The following PDE4DIP variants were observed in gnomAD, a reference collection of about 807,000 sequenced individuals.
The protein encoded by PDE4DIP is phosphodiesterase 4D interacting protein.
A neutral mutation model predicts 221.4 loss-of-function variants in PDE4DIP; 59 were observed. The ratio of observed to expected loss-of-function variants is 0.27; its 90% CI spans 0.22 to 0.33. The LOEUF (loss-of-function observed/expected upper bound fraction) is 0.33, where lower values mean the gene tolerates loss of function less well. PDE4DIP is among the 10% of genes least tolerant of loss of function. The pLI, the probability that PDE4DIP is intolerant of heterozygous loss-of-function variation, is 1.00. For synonymous variants in PDE4DIP, 404 were observed against 815.9 expected (o/e 0.50, Z 8.60); for missense variants, 1,036 against 2,154.2 (o/e 0.48, Z 10.28).
At chr1:148,939,824 C>T (rs2050133074) in intron 5 of PDE4DIP, 1 of 150,460 alleles carries the variant, frequency 6.6e-6, no homozygotes, top group Non-Finnish European at 1.5e-5. Context: ...CGATTCCATC[C>T]TGATTATTTA....
intron 5 of PDE4DIP, among the ~76,000 whole-genome samples, chr1:148,947,152 A>AT (rs1198353991): frequency 2.0e-5 from 3 of 152,286 alleles, no homozygotes; most frequent in African/African-American, 7.2e-5. Context: ...ATACTTTAAA[A>AT]TTTACTTAAC....
intron 1 of PDE4DIP, among the ~76,000 whole-genome samples, chr1:148,906,082 CTGTT>C (rs1479650732): frequency 2.7e-5 from 4 of 149,480 alleles, no homozygotes; most frequent in African/African-American, 5.0e-5. Flanking sequence ...CTTTGATTGT[CTGTT>C]TGTGCTCTTT....
intron 6 of PDE4DIP, 27 bp from the exon 10 acceptor site, chr1:148,961,810 A>G (rs782039201): frequency 2.2e-6 from 2 of 897,554 alleles, no homozygotes; most frequent in Non-Finnish European, 3.7e-6. Flanking sequence ...ATTGACCTAA[A>G]AAACTGTTTT....
At chr1:149,015,103 A>G (rs1234666771) in intron 32 of PDE4DIP, among the ~76,000 whole-genome samples, 2 of 152,112 alleles carry the variant, frequency 1.3e-5, no homozygotes, top group African/African-American at 4.8e-5. Context: ...CCTAATGAAC[A>G]TCTAGTATTT....
exon 24 of PDE4DIP, chr1:149,001,643 G>A (rs2065682548): frequency 3.1e-6 from 5 of 1,614,020 alleles, no homozygotes; most frequent in Non-Finnish European, 4.2e-6. Flanking sequence ...AGAGCAGATG[G>A]GAGAAGCAAT....
chr1:148,937,505 T>C (rs1425280645), intron 4 of PDE4DIP, among the ~76,000 whole-genome samples: 4 of 152,186 alleles, frequency 2.6e-5, no homozygotes, highest in African/African-American at 9.6e-5. Flanking sequence ...TAAAGATCCA[T>C]GGATTAACTT....
In PDE4DIP at chr1:148,998,272, G is replaced by A. The variant is rs587642859; in HGVS notation, c.3034G>A (p.Glu1012Lys). The A allele has an allele frequency of 2.5e-6, 4 of 1,613,594 alleles. No individual in the cohort carries two copies. The South Asian group carries it at 3.3e-5, about 13-fold the overall frequency. The change falls in exon 23 of 44, where the codon GAG becomes AAG. Residue 1012 changes from glutamate to lysine, a missense_variant. Physicochemically the swap from Glu to Lys is moderately conservative, Grantham distance 56 (BLOSUM62 1). Coordinates refer to ENST00000369354, the Ensembl canonical transcript of PDE4DIP. ...GGAAGAAATGCTCCACCTGAGGGCT[G>A]AGTTCCACCAGCACTTAGAAGAGAA...
At chr1:149,030,517 T>C in intron 43 of PDE4DIP, 1 of 935,848 alleles carries the variant, frequency 1.1e-6, no homozygotes, top group Non-Finnish European at 1.3e-6. Context: ...TCATCATCTC[T>C]CCTTTTTACT....
chr1:149,000,057 A>G (rs2065250512), intron 23 of PDE4DIP, among the ~76,000 whole-genome samples: 1 of 151,754 alleles, frequency 6.6e-6, no homozygotes, highest in Admixed American at 6.6e-5. Flanking sequence ...TTCTTTATTG[A>G]GAAACTATCT....
At position 148,929,182 on chromosome 1, in the gene PDE4DIP, C is replaced by G; in HGVS notation, c.142-15C>G. ...TGTGGCAGTTAATAACGATTAATGC[C>G]TGTGTGTTTTTCAGAACATTGAGCT... On this transcript the variant is annotated splice_polypyrimidine_tract_variant and intron_variant, in intron 1 of 43. Transcript: ENST00000369354. The G allele has an allele frequency of 6.2e-7, 1 of 1,613,226 alleles. No individual in the cohort carries two copies. The highest frequency in any genetic ancestry group is 1.3e-5 in the African/African-American group (1 of 74,920).
At chr1:148,966,463 T>TA (rs1262655897) in intron 10 of PDE4DIP, 80 bp from the exon 14 acceptor site, 55 of 603,978 alleles carry the variant, frequency 9.1e-5, no homozygotes, top group Admixed American at 2.4e-4. Context: ...GTTTTTTTTT[T>TA]ATCCTGAATA....
chr1:148,883,154 A>G (rs1249685099), intron 3 of PDE4DIP, among the ~76,000 whole-genome samples: 2 of 151,606 alleles, frequency 1.3e-5, no homozygotes, highest in African/African-American at 4.9e-5. Flanking sequence ...GCTGGTCTTC[A>G]TGGTTCAAAG....
chr1:148,899,165 C>T lies in PDE4DIP; in HGVS notation c.141+9271C>T, dbSNP rs2040109035. 2.5e-5 allele frequency among the ~76,000 whole-genome samples: 3 copies of T among 119,842 alleles called. 1 individual carries two copies. The South Asian group carries it at 9.3e-4, about 37-fold the overall frequency. The allele number at this position is 119,842 out of a possible 152,430, so 78.6% of individuals were successfully genotyped here. A position where few individuals can be genotyped will look rare whatever the true frequency, so the allele number is the denominator to read the frequency against. ...CATTTCAAACAGAAGAAACAATATA[C>T]AAAAGCAGAGGTGTACAAAAGCAAT... On this transcript the variant is annotated intron_variant, in intron 1 of 43. Transcript: ENST00000369354.
At chr1:149,016,269 T>G in intron 32 of PDE4DIP, 30 bp from the exon 36 acceptor site, 1 of 1,612,086 alleles carries the variant, frequency 6.2e-7, no homozygotes, top group Non-Finnish European at 8.5e-7. Context: ...ACACCCCATT[T>G]GCTTCTTACT....
chr1:148,936,826 A>C (rs1553475220), intron 4 of PDE4DIP, among the ~76,000 whole-genome samples: 2 of 151,844 alleles, frequency 1.3e-5, no homozygotes, highest in African/African-American at 2.4e-5. Flanking sequence ...CCACCTTTAC[A>C]TCTTGTCCGC....
intron 21 of PDE4DIP, chr1:148,983,365 A>C (rs1311945821): frequency 2.0e-5 from 3 of 152,102 alleles, no homozygotes; most frequent in Non-Finnish European, 4.4e-5. Flanking sequence ...ATTACAGTTT[A>C]TGTTAATAAT....
At chr1:148,985,356 A>C (rs1479463317) in intron 21 of PDE4DIP, 14 of 151,998 alleles carry the variant, frequency 9.2e-5, no homozygotes, top group Non-Finnish European at 1.5e-4. Flanking sequence ...TTTTTTATAT[A>C]GTGTATATTT....
At chr1:148,813,767 TC>T (rs1262073025) in intron 1 of PDE4DIP, among the ~76,000 whole-genome samples, 8 of 133,020 alleles carry the variant, frequency 6.0e-5, no homozygotes, top group Non-Finnish European at 9.6e-5. Flanking sequence ...TTTTTTTTTT[TC>T]TTTTTTATCT....
chr1:148,815,587 TC>T (rs1667574239), intron 1 of PDE4DIP, among the ~76,000 whole-genome samples: 1 of 110,840 alleles, frequency 9.0e-6, no homozygotes, highest in Non-Finnish European at 2.0e-5. Flanking sequence ...AAACTCTTCT[TC>T]CCCCACAAAT....
Sources: gnomAD v4.1 joint callset for allele counts (sites outside exome capture counted in the v4.1 genomes callset) on GRCh38, gnomAD v4.1.1 for gene constraint, MANE v1.5 for transcripts, NCBI Gene and HGNC (gene_info 2026-07-23, HGNC 2026-07-21) for gene names.